Variants in COXFA4 observed in about 807,000 individuals in gnomAD.
COXFA4 encodes the protein cytochrome c oxidase subunit FA4.
chr7:10,933,640 A>G, the COXFA4 span: 2 of 1,609,660 alleles, frequency 1.2e-6, no homozygotes, highest in Non-Finnish European at 1.7e-6. Flanking sequence ...TTTCATTTAG[A>G]AATCTGGACG....
the COXFA4 span, among the ~76,000 whole-genome samples, chr7:10,935,016 C>A: frequency 6.6e-6 from 1 of 152,250 alleles, no homozygotes; most frequent in Admixed American, 6.5e-5. Context: ...TTGTTGGGCT[C>A]CTGCCCAGGC....
the COXFA4 span, chr7:10,940,045 T>G: frequency 6.2e-7 from 1 of 1,613,798 alleles, no homozygotes. Context: ...TGACCGATGA[T>G]CTGGCGGAGC....
chr7:10,935,629 T>C, the COXFA4 span, among the ~76,000 whole-genome samples: 1 of 152,148 alleles, frequency 6.6e-6, no homozygotes, highest in Non-Finnish European at 1.5e-5. Context: ...ACTAGTGCCT[T>C]TACAGGAGGG....
At chr7:10,938,541 A>T in the COXFA4 span, 1 of 439,844 alleles carries the variant, frequency 2.3e-6, no homozygotes, top group East Asian at 4.0e-5. Flanking sequence ...TTATAAAAAC[A>T]ATTATTTTTA....
At chr7:10,937,585 C>T in the COXFA4 span, among the ~76,000 whole-genome samples, 54,372 of 151,954 alleles carry the variant, frequency 0.36, 10,309 homozygotes, top group South Asian at 0.46. Flanking sequence ...GCCTGGCCTG[C>T]CCTTGGTTTT....
At chr7:10,931,968 A>T in the COXFA4 span, 1 of 152,172 alleles carries the variant, frequency 6.6e-6, no homozygotes, top group African/African-American at 2.4e-5. Flanking sequence ...TGTAGCATTT[A>T]TTTGGAGTTG....
chr7:10,939,992 T>A, the COXFA4 span: 818 of 1,613,300 alleles, frequency 5.1e-4, 6 homozygotes, highest in East Asian at 0.017. Flanking sequence ...AGGGAAAACA[T>A]TAGGAGAGCG....
chr7:10,938,974 C>A, the COXFA4 span: 2 of 1,101,078 alleles, frequency 1.8e-6, no homozygotes, highest in Non-Finnish European at 2.8e-6. Flanking sequence ...GTAGTTTCTG[C>A]ACATTGATTT....
the COXFA4 span, chr7:10,939,162 A>T: frequency 0.38 from 131,877 of 350,646 alleles, 26,583 homozygotes; most frequent in South Asian, 0.46. Context: ...TTATAGGTAC[A>T]TTTTTAAATT....
At chr7:10,939,999 A>T in the COXFA4 span, 4 of 1,613,790 alleles carry the variant, frequency 2.5e-6, no homozygotes, top group Non-Finnish European at 3.4e-6. Flanking sequence ...ACATTAGGAG[A>T]GCGGTCACGA....
chr7:10,932,191 G>C, the COXFA4 span: 1 of 151,974 alleles, frequency 6.6e-6, no homozygotes, highest in East Asian at 2.0e-4. Context: ...CAGAGCCCAA[G>C]TTAGCTACTA....
the COXFA4 span, chr7:10,939,920 TG>T: frequency 2.9e-6 from 4 of 1,369,724 alleles, no homozygotes; most frequent in African/African-American, 4.3e-5. Flanking sequence ...GGACGGTAAG[TG>T]GCTGTAAATG....
the COXFA4 span, chr7:10,939,039 T>C: frequency 1.2e-5 from 8 of 640,774 alleles, no homozygotes; most frequent in Non-Finnish European, 1.7e-5. Context: ...ATAAAGTAGA[T>C]CTTACATTGA....
chr7:10,936,881 C>CA, the COXFA4 span, among the ~76,000 whole-genome samples: 23 of 151,934 alleles, frequency 1.5e-4, no homozygotes, highest in Non-Finnish European at 2.9e-4. Flanking sequence ...ACTAAAAACA[C>CA]AAAAAATCAG....
the COXFA4 span, among the ~76,000 whole-genome samples, chr7:10,936,570 G>A: frequency 6.6e-6 from 1 of 152,274 alleles, no homozygotes; most frequent in Non-Finnish European, 1.5e-5. Flanking sequence ...AAACAAATCA[G>A]GATGCCCGTT....
At chr7:10,939,951 G>C in the COXFA4 span, 1 of 1,580,970 alleles carries the variant, frequency 6.3e-7, no homozygotes, top group Non-Finnish European at 8.7e-7. Context: ...CCAGGGAACA[G>C]AAAGAGGCGC....
the COXFA4 span, chr7:10,937,994 A>G: frequency 3.0e-6 from 3 of 985,582 alleles, no homozygotes; most frequent in African/African-American, 4.8e-5. Flanking sequence ...ATATAATGGA[A>G]TTTTACTCGT....
the COXFA4 span, chr7:10,938,401 T>C: frequency 2.0e-6 from 1 of 495,654 alleles, no homozygotes; most frequent in Non-Finnish European, 3.6e-6. Flanking sequence ...TCCATTTAAT[T>C]AATAAAGTGA....
chr7:10,933,034 A>G, the COXFA4 span: 2 of 152,406 alleles, frequency 1.3e-5, no homozygotes, highest in Admixed American at 1.3e-4. Flanking sequence ...AAAATTCTCA[A>G]GATCTCTTGA....
Sources: allele counts gnomAD v4.1 joint callset (sites outside exome capture counted in the v4.1 genomes callset), GRCh38; gene constraint gnomAD v4.1.1; transcripts MANE v1.5; gene names NCBI Gene and HGNC (gene_info 2026-07-23, HGNC 2026-07-21).